ZNF512B: variants seen among roughly 807,000 people sequenced by gnomAD.
The protein encoded by ZNF512B is zinc finger protein 512B.
A neutral mutation model predicts 87.8 loss-of-function variants in ZNF512B; 22 were observed. The ratio of observed to expected loss-of-function variants is 0.25; its 90% CI spans 0.18 to 0.36. The LOEUF is 0.36. ZNF512B is among the 10% of genes least tolerant of loss of function. ZNF512B has a pLI of 1.00. For synonymous variants in ZNF512B, 524 were observed against 490.9 expected (o/e 1.07, Z -0.89); for missense variants, 1,060 against 1,231.6 (o/e 0.86, Z 2.09).
rs1369730411 is a variant in ZNF512B at position 63,961,407 on chromosome 20, C to T, written c.2329G>A (p.Gly777Arg). 6.2e-7 allele frequency: 1 copy of T among 1,611,410 alleles called. No individual in the cohort carries two copies. Among genetic ancestry groups the T allele is most frequent in the Non-Finnish European group, 8.5e-7 (1 of 1,179,898 alleles). The stretch of plus-strand genomic sequence containing the variant: ...CGGTACTTCCCTGCCAGGTGGGCCC[C>T]CTGCAATGCATAGGCAGGCCAGTGC... Reference protein sequence around the residue: ...LKAHLASCSKGAHLAGKYRCL... With the variant: ...LKAHLASCSKRAHLAGKYRCL... Residue 777 changes from glycine (G) to arginine (R), a missense_variant and splice_region_variant, in exon 16 of 17, where the codon GGG (glycine) becomes AGG (arginine). This residue lies in a region of ZNF512B where 253 missense variants were observed against 259.2 expected (regional missense o/e 0.98). Transcript: ENST00000369888. This position sits in a 1 kb window ranked among gnomAD's most constrained non-coding sequence, Gnocchi z 6.4.
At position 63,963,663 on chromosome 20, in the gene ZNF512B, G is replaced by C. The variant is rs1569196277; in HGVS notation, c.1653C>G (p.Ser551=). 6.2e-7 allele frequency: 1 copy of C among 1,613,520 alleles called. No individual in the cohort carries two copies. The highest frequency in any genetic ancestry group is 8.5e-7 in the Non-Finnish European group (1 of 1,180,026). ...TAGTGTGGTAGTTGAGGCCGGCTTT[G>C]GACTTGAACTGCTTCCGGCAGTGCT... ...KCQHCRKQFK[S]KAGLNYHTMA... Residue 551 remains serine (S), a synonymous_variant, in exon 10 of 17, where the codon TCC becomes TCG. Coordinates refer to ENST00000369888, the MANE Select transcript of ZNF512B (RefSeq NM_020713.3).
chr20:63,960,025 G>C lies in ZNF512B; in HGVS notation c.2542C>G (p.Pro848Ala). ...LAGGKKRGRKPKERTPEEPVA... is the reference protein window; with the variant it reads ...LAGGKKRGRKAKERTPEEPVA... The stretch of plus-strand genomic sequence containing the variant: ...GGCTCCTCTGGGGTCCGCTCCTTGG[G>C]CTTTCGGCCCCGCTTCTTTCCACCT... Residue 848 changes from proline to alanine, a missense_variant, in exon 17 of 17, where the codon CCC becomes GCC. By Grantham distance (27) the Pro-to-Ala change is conservative (BLOSUM62 -1). Transcript: ENST00000369888. 1 of 1,613,682 alleles carries C rather than the reference G, an allele frequency of 6.2e-7. No homozygotes were observed. The highest frequency in any genetic ancestry group is 8.5e-7 in the Non-Finnish European group (1 of 1,180,026).
chr20:63,966,850 C>A, intron 4 of ZNF512B, 26 bp downstream of exon 4: 4 of 1,613,356 alleles, frequency 2.5e-6, no homozygotes, highest in Non-Finnish European at 3.4e-6. Flanking sequence ...CCGAGGCCTC[C>A]TCTCCCCCGA....
chr20:63,966,823 C>G (rs778963035), intron 4 of ZNF512B, 42 bp from the exon 5 acceptor site: 1 of 1,609,234 alleles, frequency 6.2e-7, no homozygotes, highest in Admixed American at 1.7e-5. Flanking sequence ...CCCCAAGGGC[C>G]TCTGCCCAAA....
intron 1 of ZNF512B, among the ~76,000 whole-genome samples, chr20:63,968,658 C>T (rs531200993): frequency 1.3e-5 from 2 of 152,356 alleles, no homozygotes; most frequent in South Asian, 2.1e-4. Context: ...TGATGCTCTT[C>T]GCAGACTTGT....
Position 63,960,051 on chromosome 20 carries a change from G to A in ZNF512B, c.2516C>T (p.Ala839Val). The A allele has an allele frequency of 1.9e-6, 3 of 1,613,976 alleles. No individual in the cohort carries two copies. Among genetic ancestry groups the A allele is most frequent in the Middle Eastern group, 3.3e-4 (2 of 6,062 alleles). The change falls in exon 17 of 17, where the codon GCA becomes GTA. Residue 839 changes from alanine to valine, a missense_variant. Transcript: ENST00000369888. ...VPKKEKKKNL[A>V]GGKKRGRKPK... ...CTTTCGGCCCCGCTTCTTTCCACCTGCCAGATTTTTCTTCTTTTCCTTCTT... is the reference window on the plus strand; with the variant it reads ...CTTTCGGCCCCGCTTCTTTCCACCTACCAGATTTTTCTTCTTTTCCTTCTT...
chr20:63,962,087 C>G (rs1305406588), intron 14 of ZNF512B, 83 bp from the exon 15 acceptor site: 2 of 1,476,956 alleles, frequency 1.4e-6, no homozygotes, highest in African/African-American at 2.8e-5. Context: ...CAGGGGATCT[C>G]TGAGGCTCTT....
intron 10 of ZNF512B, 38 bp from the exon 11 acceptor site, chr20:63,963,478 G>T: frequency 6.5e-7 from 1 of 1,544,652 alleles, no homozygotes. Context: ...CGGCACCATC[G>T]CCACGGAGCC....
In ZNF512B at chr20:63,962,692, C is replaced by T. The variant is rs142143009; in HGVS notation, c.2058G>A (p.Ser686=). The T allele has an allele frequency of 1.4e-5, 23 of 1,602,420 alleles. No individual in the cohort carries two copies. In the African/African-American group the frequency reaches 1.5e-4, roughly 10 times the overall value. Residue 686 remains serine, a synonymous_variant, in exon 13 of 17, where the codon TCG becomes TCA. Coordinates refer to ENST00000369888, the MANE Select transcript of ZNF512B (RefSeq NM_020713.3). ...RTPSGRVRRT[S]AQVAVFHLQE... ...GCAGGTGGAACACCGCCACCTGGGC[C>T]GACGTGCGGCGGACACGCCCGCTTG...
rs370483162 is a variant in ZNF512B at position 63,963,863 on chromosome 20, C to T, written c.1531G>A (p.Val511Ile). The T allele has an allele frequency of 3.7e-5, 59 of 1,612,556 alleles. No homozygotes were observed. The South Asian group carries it at 4.1e-4, about 11-fold the overall frequency. The change falls in exon 9 of 17, where the codon GTC becomes ATC. Residue 511 changes from valine (V) to isoleucine (I), a missense_variant. By Grantham distance (29) the Val-to-Ile change is conservative. Around this residue, in one of 9 missense-constraint regions of ZNF512B, gnomAD observed 37 missense variants for 72.6 expected, o/e 0.51. Coordinates refer to ENST00000369888, the MANE Select transcript of ZNF512B (RefSeq NM_020713.3). ...GTGACCACGTTGCAGGTGGGGCAGA[C>T]GGCTTCCCCGCGCTCATGGATGGCC... ...QRAIHERGEA[V>I]CPTCNVVTRK...
Position 63,966,972 on chromosome 20 carries a change from G to C in ZNF512B, c.297C>G (p.Phe99Leu), listed in dbSNP as rs2058934993. 6.2e-7 allele frequency: 1 copy of C among 1,613,584 alleles called. No individual in the cohort carries two copies. Among genetic ancestry groups the C allele is most frequent in the Non-Finnish European group, 8.5e-7 (1 of 1,180,038 alleles). The change falls in exon 4 of 17, where the codon TTC becomes TTG. Residue 99 changes from phenylalanine to leucine, a missense_variant. Transcript: ENST00000369888. ...LSLMNDWKDE[F>L]KAHSRVKCPN... ...GACACTTCACCCTCGAGTGTGCCTT[G>C]AACTCATCCTTCCAGTCGTTCATCA...
Position 63,961,168 on chromosome 20 carries a change from C to G in ZNF512B, c.2427+141G>C. 1.4e-6 allele frequency: 1 copy of G among 732,188 alleles called. No homozygotes were observed. Among genetic ancestry groups the G allele is most frequent in the Non-Finnish European group, 2.3e-6 (1 of 435,848 alleles). The allele number at this position is 732,188 out of a possible 1,614,324, so 45.4% of individuals were successfully genotyped here. The stretch of plus-strand genomic sequence containing the variant: ...AGACCCCACTTTGAGGAGAAACTAC[C>G]AGATTTCTCCACATTGGCCACTCTC... On this transcript the variant is annotated intron_variant, in intron 16 of 16. Coordinates refer to ENST00000369888, the MANE Select transcript of ZNF512B (RefSeq NM_020713.3). The surrounding 1 kb of genome is among the most constrained non-coding windows in gnomAD (Gnocchi z 6.4).
At chr20:63,967,675 G>C (rs2058942316) in intron 2 of ZNF512B, 152 bp from the exon 3 acceptor site, 3 of 1,479,910 alleles carry the variant, frequency 2.0e-6, no homozygotes, top group Non-Finnish European at 2.7e-6. Flanking sequence ...AGGACCCTGG[G>C]CTATGTCCAA....
rs762784684 is a variant in ZNF512B, at chr20:63,959,942, C to T, written c.2625G>A (p.Gly875=). Residue 875 remains glycine (G), a synonymous_variant, in exon 17 of 17, where the codon GGG becomes GGA. Transcript: ENST00000369888. The part of the protein sequence containing the change: ...DDWPPGCRDK[G]ARGSTGRKVG... ...CCTTCCGGCCGGTGGAGCCCCGGGC[C>T]CCCTTGTCTCTGCATCCTGGAGGCC... 3.1e-6 allele frequency: 5 copies of T among 1,609,592 alleles called. No individual in the cohort carries two copies. Among genetic ancestry groups the T allele is most frequent in the Non-Finnish European group, 4.2e-6 (5 of 1,179,436 alleles).
Position 63,964,374 on chromosome 20 carries a change from G to A in ZNF512B, c.1279C>T (p.Pro427Ser). 1.2e-6 allele frequency: 2 copies of A among 1,613,854 alleles called. No individual in the cohort carries two copies. The highest frequency in any genetic ancestry group is 1.7e-6 in the Non-Finnish European group (2 of 1,179,910). The change falls in exon 7 of 17, where the codon CCC (proline) becomes TCC (serine). Residue 427 changes from proline to serine, a missense_variant. By Grantham distance (74) the Pro-to-Ser change is moderately conservative. Transcript: ENST00000369888. ...GGCTGCTCCCCTGTAAACTTTTTGGGTGTTTTCTGTTTCCTTCCTGACTCG... is the reference window on the plus strand; with the variant it reads ...GGCTGCTCCCCTGTAAACTTTTTGGATGTTTTCTGTTTCCTTCCTGACTCG... The part of the protein sequence containing the change: ...RTKHRRKQKT[P>S]KKFTGEQPSI...
At chr20:63,966,075 C>T (rs2058920002) in intron 5 of ZNF512B, 66 bp downstream of exon 5, 2 of 508,264 alleles carry the variant, frequency 3.9e-6, no homozygotes, top group East Asian at 2.4e-5. Context: ...TCCTCCCTGA[C>T]CTGGGACGAG....
intron 12 of ZNF512B, 116 bp downstream of exon 12, chr20:63,962,979 G>C (rs996648980): frequency 1.5e-6 from 2 of 1,361,520 alleles, no homozygotes; most frequent in African/African-American, 2.9e-5. Context: ...ACAGAGAGGG[G>C]TGGGAAACAC....
intron 12 of ZNF512B, 124 bp from the exon 13 acceptor site, chr20:63,962,905 G>A: frequency 3.1e-6 from 4 of 1,270,516 alleles, no homozygotes; most frequent in Non-Finnish European, 4.2e-6. Flanking sequence ...GGACATGGCT[G>A]ACGCAGGCAA....
intron 1 of ZNF512B, among the ~76,000 whole-genome samples, chr20:63,969,384 C>A (rs539012932): frequency 6.6e-6 from 1 of 152,186 alleles, no homozygotes; most frequent in South Asian, 2.1e-4. Flanking sequence ...AGAGGGGGCT[C>A]CGCCGCGCTG....
Sources: gnomAD v4.1 joint callset for allele counts (sites outside exome capture counted in the v4.1 genomes callset) on GRCh38, gnomAD v4.1.1 for gene constraint, gnomAD v4.1.1 regional missense constraint, Gnocchi (gnomAD v3.1) non-coding constraint, MANE v1.5 for transcripts, NCBI Gene and HGNC (gene_info 2026-07-23, HGNC 2026-07-21) for gene names.